Variants in SULT6B1 observed in about 807,000 individuals in gnomAD.
The protein encoded by SULT6B1 is sulfotransferase 6B1.
SULT6B1 carries 44 observed loss-of-function variants against 37.2 expected under a neutral mutation model. That is an observed-to-expected ratio of 1.18 (90% CI 0.93 to 1.52). The LOEUF (loss-of-function observed/expected upper bound fraction) is 1.52, where lower values mean the gene tolerates loss of function less well. Ranked by LOEUF, SULT6B1 falls within the 40% of genes most tolerant of loss-of-function variation. The probability of loss-of-function intolerance (pLI) is 0.00; values close to 1 mark genes in which losing one functional copy is unlikely to be tolerated. For missense variants in SULT6B1, 450 were observed against 361.0 expected (o/e 1.25, Z -2.00); for synonymous variants, 140 against 126.0 (o/e 1.11, Z -0.74).
rs1676501713 is a variant in SULT6B1, at chr2:37,179,429, A to C, written c.529+29T>G. The stretch of plus-strand genomic sequence containing the variant: ...CATTTATGTGGTCATCTGATCAAGT[A>C]AGAATAATTCTTTTACCAACAGCCA... On this transcript the variant is annotated intron_variant, in intron 4 of 6. Coordinates refer to ENST00000535679, the MANE Select transcript of SULT6B1 (RefSeq NM_001367551.1). 1.9e-6 allele frequency: 3 copies of C among 1,611,842 alleles called. No individual in the cohort carries two copies. In the East Asian group the frequency reaches 6.7e-5, roughly 36 times the overall value.
At position 37,179,508 on chromosome 2, in the gene SULT6B1, G is replaced by T; in HGVS notation, c.479C>A (p.Pro160Gln). ...LHFHNDVPDIPSYGSWDEFFR... is the reference protein window; with the variant it reads ...LHFHNDVPDIQSYGSWDEFFR... ...GAATTCATCCCAAGAGCCATAGCTT[G>T]GAATATCGGGGACATCGTTGTGGAA... The change falls in exon 4 of 7, where the codon CCA becomes CAA. Residue 160 changes from proline (P) to glutamine (Q), a missense_variant. Pro to Gln is a moderately conservative substitution (Grantham distance 76, BLOSUM62 -1). Coordinates refer to ENST00000535679, the MANE Select transcript of SULT6B1 (RefSeq NM_001367551.1). The T allele has an allele frequency of 1.2e-6, 2 of 1,613,960 alleles. No homozygotes were observed. Among genetic ancestry groups the T allele is most frequent in the Non-Finnish European group, 1.7e-6 (2 of 1,179,960 alleles).
At chr2:37,186,286 C>A (rs1195920059) in intron 2 of SULT6B1, among the ~76,000 whole-genome samples, 4 of 152,148 alleles carry the variant, frequency 2.6e-5, no homozygotes, top group African/African-American at 9.7e-5. Context: ...TTGAATACAG[C>A]CTTCCCTTCC....
chr2:37,178,511 C>A (rs1050743173), intron 4 of SULT6B1, among the ~76,000 whole-genome samples: 1 of 152,146 alleles, frequency 6.6e-6, no homozygotes, highest in Non-Finnish European at 1.5e-5. Context: ...GCTGGAACTA[C>A]AGGCATGAGC....
upstream of SULT6B1, chr2:37,189,769 T>G (rs1288518761): frequency 1.3e-5 from 2 of 152,212 alleles, no homozygotes; most frequent in African/African-American, 4.8e-5. Context: ...ACTCTCCCCT[T>G]TTTCCTTTGG....
Position 37,188,572 on chromosome 2 carries a change from G to A in SULT6B1, c.69C>T (p.Leu23=), listed in dbSNP as rs2148300634. The change falls in exon 1 of 7, where the codon CTC becomes CTT. Residue 23 remains leucine (L), a synonymous_variant. Transcript: ENST00000535679. ...EALEKSKETA[L]SHLFFTYQGI... ...CCTGATAGGTGAAAAATAAATGAGA[G>A]AGTGCAGTTTCTTTTGATTTTTCTA... The A allele has an allele frequency of 1.3e-6, 2 of 1,586,462 alleles. No individual in the cohort carries two copies. The highest frequency in any genetic ancestry group is 4.5e-5 in the East Asian group (2 of 44,740).
At chr2:37,189,726 C>T (rs964262785), upstream of SULT6B1, among the ~76,000 whole-genome samples, 2 of 152,188 alleles carry the variant, frequency 1.3e-5, no homozygotes, top group African/African-American at 2.4e-5. Flanking sequence ...CTCCCTGGAA[C>T]ATTTCCTAGG....
upstream of SULT6B1, among the ~76,000 whole-genome samples, chr2:37,190,550 G>A (rs1393016066): frequency 6.6e-6 from 1 of 152,192 alleles, no homozygotes; most frequent in South Asian, 2.1e-4. Context: ...ACCTTTTGCA[G>A]TTAGGTTAAT....
At chr2:37,173,040 A>G (rs1490853984) in intron 5 of SULT6B1, among the ~76,000 whole-genome samples, 1 of 150,640 alleles carries the variant, frequency 6.6e-6, no homozygotes, top group Non-Finnish European at 1.5e-5. Flanking sequence ...TTTAGTAGAG[A>G]CGGGGTTTCA....
At chr2:37,179,960 T>C (rs554269355) in intron 3 of SULT6B1, among the ~76,000 whole-genome samples, 1 of 152,176 alleles carries the variant, frequency 6.6e-6, no homozygotes, top group Admixed American at 6.5e-5. Context: ...AATAATGTTT[T>C]AGAGTTGGTA....
chr2:37,184,098 A>G (rs1011636903), intron 2 of SULT6B1, among the ~76,000 whole-genome samples: 2 of 152,302 alleles, frequency 1.3e-5, no homozygotes, highest in Admixed American at 1.3e-4. Context: ...ACCTTTTCCC[A>G]CAATCATATC....
At chr2:37,185,974 TG>T (rs765827579) in intron 2 of SULT6B1, among the ~76,000 whole-genome samples, 1 of 152,150 alleles carries the variant, frequency 6.6e-6, no homozygotes, top group Non-Finnish European at 1.5e-5. Flanking sequence ...TGACCCTCCC[TG>T]CTCCTTTGTT....
intron 3 of SULT6B1, among the ~76,000 whole-genome samples, chr2:37,180,178 T>C (rs946565386): frequency 2.6e-5 from 4 of 152,024 alleles, no homozygotes; most frequent in African/African-American, 9.7e-5. Context: ...CTGCTCTGAG[T>C]TCAGCCTTCT....
chr2:37,172,896 A>G (rs917312136), intron 5 of SULT6B1, among the ~76,000 whole-genome samples: 1 of 150,840 alleles, frequency 6.6e-6, no homozygotes, highest in Admixed American at 6.7e-5. Flanking sequence ...TCTGTGGCCC[A>G]CGCTGGAGTG....
chr2:37,183,882 A>C (rs1676613054), intron 2 of SULT6B1, among the ~76,000 whole-genome samples: 2 of 152,096 alleles, frequency 1.3e-5, no homozygotes, highest in African/African-American at 4.8e-5. Context: ...GACCTCAGGT[A>C]ATCTGCTCGC....
chr2:37,175,070 G>C (rs1292810090), intron 5 of SULT6B1, 62 bp downstream of exon 5: 1 of 924,144 alleles, frequency 1.1e-6, no homozygotes, highest in African/African-American at 1.7e-5. Context: ...GACATTATAA[G>C]TAAGTGCTCT....
chr2:37,189,308 T>G (rs1250025508), upstream of SULT6B1, among the ~76,000 whole-genome samples: 1 of 152,246 alleles, frequency 6.6e-6, no homozygotes, highest in Non-Finnish European at 1.5e-5. Context: ...TAACCTCAAT[T>G]CTTGCCTCCT....
chr2:37,187,246 T>C, intron 2 of SULT6B1, 109 bp downstream of exon 2: 1 of 698,802 alleles, frequency 1.4e-6, no homozygotes, highest in South Asian at 1.8e-5. Context: ...CAGTAAATTG[T>C]GGTAATTATT....
intron 6 of SULT6B1, among the ~76,000 whole-genome samples, chr2:37,170,368 G>A (rs1676265963): frequency 6.6e-6 from 1 of 152,156 alleles, no homozygotes; most frequent in African/African-American, 2.4e-5. Context: ...TCAGGAGGCT[G>A]AGGCAGGAGA....
chr2:37,179,581 A>C lies in SULT6B1; in HGVS notation c.406T>G (p.Leu136Val). 3.1e-6 allele frequency: 5 copies of C among 1,607,574 alleles called. No individual in the cohort carries two copies. Among genetic ancestry groups the C allele is most frequent in the Non-Finnish European group, 4.2e-6 (5 of 1,178,888 alleles). Residue 136 changes from leucine to valine, a missense_variant, in exon 4 of 7, where the codon TTG (leucine) becomes GTG (valine). Coordinates refer to ENST00000535679, the MANE Select transcript of SULT6B1 (RefSeq NM_001367551.1). ...TCTTTAGGGTTTCGAAATATCACCAATATCTAGGGAGCAAAAATTGAGTTA... is the reference window on the plus strand; with the variant it reads ...TCTTTAGGGTTTCGAAATATCACCACTATCTAGGGAGCAAAAATTGAGTTA... Reference protein sequence around the residue: ...GSIFENKAKILVIFRNPKDTA... With the variant: ...GSIFENKAKIVVIFRNPKDTA...
Sources: gnomAD v4.1 joint callset for allele counts (sites outside exome capture counted in the v4.1 genomes callset) on GRCh38, gnomAD v4.1.1 for gene constraint, MANE v1.5 for transcripts, NCBI Gene and HGNC (gene_info 2026-07-23, HGNC 2026-07-21) for gene names.